Variants in NELL2 observed in about 807,000 individuals in gnomAD.
NELL2 encodes protein kinase C-binding protein NELL2.
Under a neutral mutation model 109.6 loss-of-function variants are expected in NELL2, and 41 were observed. The ratio of observed to expected loss-of-function variants is 0.37; its 90% confidence interval spans 0.29 to 0.49. NELL2 has a LOEUF of 0.49. NELL2 is among the 20% of genes least tolerant of loss of function. The probability of loss-of-function intolerance (pLI) is 0.98; values close to 1 mark genes in which losing one functional copy is unlikely to be tolerated. For synonymous variants in NELL2, 355 were observed against 344.7 expected, an observed-to-expected ratio of 1.03 and a Z score of -0.33; for missense variants, 900 against 1,008.3, an observed-to-expected ratio of 0.89 and a Z score of 1.45.
At chr12:44,703,649 T>C in intron 12 of NELL2, 77 bp downstream of exon 12, 1 of 1,511,912 alleles carries the variant, frequency 6.6e-7, no homozygotes, top group Admixed American at 1.8e-5. Flanking sequence ...CTTGACAACC[T>C]GGGAACTTAA....
chr12:44,904,435 T>C (rs1945697299), intron 1 of NELL2, among the ~76,000 whole-genome samples: 4 of 152,190 alleles, frequency 2.6e-5, no homozygotes, highest in African/African-American at 9.6e-5. Context: ...AAAACTTCCA[T>C]ATTCTGTCTC....
At chr12:44,616,812 C>T (rs1039615575) in intron 13 of NELL2, among the ~76,000 whole-genome samples, 2 of 152,200 alleles carry the variant, frequency 1.3e-5, no homozygotes, top group Non-Finnish European at 1.5e-5. Context: ...TCACACAGCC[C>T]ACAGATCTGC....
chr12:44,636,724 G>A (rs1946647949), intron 13 of NELL2, among the ~76,000 whole-genome samples: 1 of 152,114 alleles, frequency 6.6e-6, no homozygotes, highest in Non-Finnish European at 1.5e-5. Context: ...TGTTCATCAG[G>A]GATATTGGTC....
At chr12:44,805,428 A>G (rs1287973184) in intron 3 of NELL2, among the ~76,000 whole-genome samples, 1 of 151,824 alleles carries the variant, frequency 6.6e-6, no homozygotes, top group Non-Finnish European at 1.5e-5. Context: ...GGGCCCAGAA[A>G]CCGACCTCAG....
At chr12:44,834,497 C>G (rs1592624412) in intron 2 of NELL2, among the ~76,000 whole-genome samples, 1 of 142,084 alleles carries the variant, frequency 7.0e-6, no homozygotes, top group African/African-American at 2.6e-5. Flanking sequence ...ATAAAGAAAA[C>G]CTTATATATC....
At chr12:44,553,666 T>C (rs1477575531) in intron 15 of NELL2, among the ~76,000 whole-genome samples, 3 of 152,180 alleles carry the variant, frequency 2.0e-5, no homozygotes, top group African/African-American at 7.2e-5. Flanking sequence ...GTATGCATTG[T>C]ATATGGGTAT....
intron 13 of NELL2, among the ~76,000 whole-genome samples, chr12:44,652,558 C>T (rs1367206857): frequency 6.6e-6 from 1 of 152,256 alleles, no homozygotes; most frequent in East Asian, 1.9e-4. Flanking sequence ...ACTCTCTCTA[C>T]AAACACCAAA....
intron 12 of NELL2, among the ~76,000 whole-genome samples, chr12:44,667,832 G>A (rs1225577439): frequency 6.6e-6 from 1 of 152,162 alleles, no homozygotes; most frequent in Admixed American, 6.5e-5. Flanking sequence ...GATCTGCAGA[G>A]GTCCACATTC....
At chr12:44,707,287 G>C (rs1401990124) in intron 11 of NELL2, among the ~76,000 whole-genome samples, 1 of 152,062 alleles carries the variant, frequency 6.6e-6, no homozygotes, top group African/African-American at 2.4e-5. Context: ...CAATTCTGGG[G>C]GTTTTATTCA....
At chr12:44,792,347 T>C (rs1023558175) in intron 3 of NELL2, among the ~76,000 whole-genome samples, 2 of 151,988 alleles carry the variant, frequency 1.3e-5, no homozygotes, top group Non-Finnish European at 2.9e-5. Flanking sequence ...TGTCAAGAGA[T>C]TTTTTCTTCA....
intron 15 of NELL2, among the ~76,000 whole-genome samples, chr12:44,561,740 C>T (rs1943474266): frequency 6.6e-6 from 1 of 152,210 alleles, no homozygotes; most frequent in Non-Finnish European, 1.5e-5. Flanking sequence ...AATGGCCACA[C>T]TGCCAAAAGT....
At chr12:44,604,073 T>C (rs1243597674) in intron 15 of NELL2, among the ~76,000 whole-genome samples, 3 of 152,098 alleles carry the variant, frequency 2.0e-5, no homozygotes, top group Admixed American at 2.0e-4. Context: ...GTCTTCACTG[T>C]TAAAGACAAC....
At chr12:44,524,972 G>A (rs1043085456) in intron 16 of NELL2, among the ~76,000 whole-genome samples, 13 of 152,014 alleles carry the variant, frequency 8.6e-5, no homozygotes, top group African/African-American at 3.1e-4. Context: ...GGAATGATAT[G>A]GTACATCTGA....
chr12:44,854,198 C>G (rs780014453), intron 2 of NELL2, among the ~76,000 whole-genome samples: 1 of 152,172 alleles, frequency 6.6e-6, no homozygotes, highest in African/African-American at 2.4e-5. Flanking sequence ...GAATTAGACA[C>G]AGTGCTTGCC....
chr12:44,686,186 C>T (rs190089608), intron 12 of NELL2, among the ~76,000 whole-genome samples: 8,889 of 152,188 alleles, frequency 0.058, 851 homozygotes, highest in African/African-American at 0.2. Context: ...CGCTGATACC[C>T]TTTCTTCCAG....
intron 1 of NELL2, among the ~76,000 whole-genome samples, chr12:44,901,362 C>T (rs1945658711): frequency 6.6e-6 from 1 of 152,146 alleles, no homozygotes; most frequent in South Asian, 2.1e-4. Flanking sequence ...GAAGTCGAAT[C>T]CCTGAATATA....
At chr12:44,652,616 A>G (rs1947342447) in intron 13 of NELL2, among the ~76,000 whole-genome samples, 1 of 152,218 alleles carries the variant, frequency 6.6e-6, no homozygotes, top group Non-Finnish European at 1.5e-5. Context: ...GAAAAATGGG[A>G]ACTAAAAATC....
intron 2 of NELL2, among the ~76,000 whole-genome samples, chr12:44,851,129 G>T (rs1334852573): frequency 2.6e-5 from 4 of 151,996 alleles, no homozygotes; most frequent in African/African-American, 9.7e-5. Context: ...TTTGTTCGAA[G>T]AATCAACAAG....
At position 44,530,830 on chromosome 12, in the gene NELL2, C is replaced by G. The variant is rs535971787; in HGVS notation, c.1804+1751G>C. Among the ~76,000 whole-genome samples the G allele has an allele frequency of 1.3e-4, 20 of 152,286 alleles. No individual in the cohort carries two copies. In the Middle Eastern group the frequency reaches 0.02, roughly 155 times the overall value. On this transcript the variant is annotated intron_variant, in intron 16 of 19. Coordinates refer to ENST00000429094, the MANE Select transcript of NELL2 (RefSeq NM_001145108.2). ...AATATAAGAAGAGCACAGTCCTGGC[C>G]AAGAACTTGACTGCAGTGTCATGAA...
Sources: gnomAD v4.1 joint callset for allele counts (sites outside exome capture counted in the v4.1 genomes callset) on GRCh38, gnomAD v4.1.1 for gene constraint, MANE v1.5 for transcripts, NCBI Gene and HGNC (gene_info 2026-07-23, HGNC 2026-07-21) for gene names.